Variants in SCHIP1 observed in about 807,000 individuals in gnomAD.
The protein encoded by SCHIP1 is schwannomin-interacting protein 1.
In SCHIP1, 8 loss-of-function variants were observed where a neutral mutation model predicts 29.7. That is an observed-to-expected ratio of 0.27 (90% CI 0.16 to 0.49). The LOEUF (loss-of-function observed/expected upper bound fraction) is 0.49. Ranked by LOEUF, SCHIP1 falls within the 20% of genes least tolerant of loss-of-function variation. The pLI is 0.99. For synonymous variants in SCHIP1, 76 were observed against 94.9 expected (o/e 0.80, Z 1.16); for missense variants, 193 against 294.6 (o/e 0.66, Z 2.52).
chr3:159,342,835 G>T, the SCHIP1 span, among the ~76,000 whole-genome samples: 1 of 151,994 alleles, frequency 6.6e-6, no homozygotes, highest in South Asian at 2.1e-4. Flanking sequence ...TAATTATTTG[G>T]GATGAAAATA....
At chr3:159,362,096 A>G in the SCHIP1 span, among the ~76,000 whole-genome samples, 1 of 152,308 alleles carries the variant, frequency 6.6e-6, no homozygotes, top group African/African-American at 2.4e-5. Context: ...TAGAGGGTCA[A>G]CGATTAGCCT....
chr3:159,486,100 G>A, the SCHIP1 span, among the ~76,000 whole-genome samples: 1 of 152,110 alleles, frequency 6.6e-6, no homozygotes, highest in Non-Finnish European at 1.5e-5. Flanking sequence ...TTACAGTTAA[G>A]CTAATTAACA....
At chr3:159,807,851 AT>A in the SCHIP1 span, among the ~76,000 whole-genome samples, 1 of 152,232 alleles carries the variant, frequency 6.6e-6, no homozygotes, top group South Asian at 2.1e-4. Context: ...AGTCCTCCCA[AT>A]AACCCTGTAA....
the SCHIP1 span, among the ~76,000 whole-genome samples, chr3:159,744,981 CAA>C: frequency 1.1e-4 from 16 of 147,588 alleles, no homozygotes; most frequent in East Asian, 2.0e-4. Flanking sequence ...GACTCCGTCT[CAA>C]AAAAAAAAAA....
the SCHIP1 span, among the ~76,000 whole-genome samples, chr3:159,694,732 T>A: frequency 2.6e-5 from 4 of 152,202 alleles, no homozygotes; most frequent in Non-Finnish European, 5.9e-5. Flanking sequence ...TCTCTTGGGC[T>A]CATTAATTCC....
chr3:159,635,453 A>G, the SCHIP1 span, among the ~76,000 whole-genome samples: 3 of 152,204 alleles, frequency 2.0e-5, no homozygotes, highest in Non-Finnish European at 4.4e-5. Context: ...AGCAGTATCT[A>G]TGCATAGTGA....
At chr3:159,409,516 A>C in the SCHIP1 span, among the ~76,000 whole-genome samples, 1 of 152,258 alleles carries the variant, frequency 6.6e-6, no homozygotes, top group East Asian at 1.9e-4. Context: ...AGAAATTTAA[A>C]AACTAGTCTC....
the SCHIP1 span, among the ~76,000 whole-genome samples, chr3:159,550,984 T>C: frequency 6.6e-6 from 1 of 152,220 alleles, no homozygotes; most frequent in African/African-American, 2.4e-5. Context: ...CTTTTTATTA[T>C]GTTATTTAAA....
chr3:159,287,165 T>C, the SCHIP1 span, among the ~76,000 whole-genome samples: 1 of 152,116 alleles, frequency 6.6e-6, no homozygotes, highest in East Asian at 1.9e-4. Context: ...CAGAATGATA[T>C]CTCCTAGGTT....
chr3:159,708,014 T>C, the SCHIP1 span, among the ~76,000 whole-genome samples: 4 of 152,174 alleles, frequency 2.6e-5, no homozygotes, highest in Non-Finnish European at 5.9e-5. Flanking sequence ...TTCCTCCCTC[T>C]CTTCAAAATA....
the SCHIP1 span, among the ~76,000 whole-genome samples, chr3:159,516,512 A>G: frequency 6.6e-6 from 1 of 152,060 alleles, no homozygotes; most frequent in Non-Finnish European, 1.5e-5. Context: ...CACTAACTCA[A>G]TATGAAACTG....
At chr3:159,307,096 GA>G in the SCHIP1 span, among the ~76,000 whole-genome samples, 1 of 152,126 alleles carries the variant, frequency 6.6e-6, no homozygotes, top group African/African-American at 2.4e-5. Flanking sequence ...CAAAAATAGG[GA>G]AAAGGTTAAA....
At chr3:159,816,641 C>G in the SCHIP1 span, among the ~76,000 whole-genome samples, 1 of 152,206 alleles carries the variant, frequency 6.6e-6, no homozygotes, top group African/African-American at 2.4e-5. Flanking sequence ...TCAAGTGTGT[C>G]TCATTCTCAA....
chr3:159,447,735 A>G, the SCHIP1 span, among the ~76,000 whole-genome samples: 1 of 152,190 alleles, frequency 6.6e-6, no homozygotes, highest in African/African-American at 2.4e-5. Flanking sequence ...TTCACTTTGA[A>G]CATATTTTCA....
At chr3:159,670,458 G>A in the SCHIP1 span, among the ~76,000 whole-genome samples, 92 of 152,276 alleles carry the variant, frequency 6.0e-4, no homozygotes, top group Middle Eastern at 3.4e-3. Context: ...AAACAGACCA[G>A]TCAGGCAAGG....
the SCHIP1 span, among the ~76,000 whole-genome samples, chr3:159,810,450 C>T: frequency 6.6e-6 from 1 of 152,198 alleles, no homozygotes; most frequent in Non-Finnish European, 1.5e-5. Flanking sequence ...CAAAACATTC[C>T]TCTTGCTCAT....
the SCHIP1 span, among the ~76,000 whole-genome samples, chr3:159,816,532 C>T: frequency 6.6e-6 from 1 of 152,284 alleles, no homozygotes; most frequent in East Asian, 1.9e-4. Flanking sequence ...GCCTCAGCCT[C>T]CCAAAGTGCT....
At chr3:159,789,869 G>A in the SCHIP1 span, among the ~76,000 whole-genome samples, 1 of 152,160 alleles carries the variant, frequency 6.6e-6, no homozygotes, top group Non-Finnish European at 1.5e-5. Context: ...CTAAAACTAC[G>A]GTGGTGAGCA....
chr3:159,653,619 G>A, the SCHIP1 span, among the ~76,000 whole-genome samples: 1 of 151,858 alleles, frequency 6.6e-6, no homozygotes, highest in Non-Finnish European at 1.5e-5. Context: ...GAGAGCATTA[G>A]GACAAATACC....
Sources: allele counts gnomAD v4.1 joint callset (sites outside exome capture counted in the v4.1 genomes callset), GRCh38; gene constraint gnomAD v4.1.1; transcripts MANE v1.5; gene names NCBI Gene and HGNC (gene_info 2026-07-23, HGNC 2026-07-21).